Variants in EPB41L5 observed in about 807,000 individuals in gnomAD.
The protein encoded by EPB41L5 is band 4.1-like protein 5.
Under a neutral mutation model 106.6 loss-of-function variants are expected in EPB41L5, and 55 were observed. The ratio of observed to expected loss-of-function variants is 0.52; its 90% CI spans 0.42 to 0.65. The LOEUF (loss-of-function observed/expected upper bound fraction) is 0.65, where lower values mean the gene tolerates loss of function less well. EPB41L5 is among the 30% of genes least tolerant of loss of function. The pLI, the probability that EPB41L5 is intolerant of heterozygous loss-of-function variation, is 0.00. For missense variants in EPB41L5, 871 were observed against 882.1 expected (o/e 0.99, Z 0.16); for synonymous variants, 297 against 306.7 (o/e 0.97, Z 0.33).
At chr2:120,169,349 G>T (rs2105566260) in intron 24 of EPB41L5, among the ~76,000 whole-genome samples, 1 of 152,284 alleles carries the variant, frequency 6.6e-6, no homozygotes, top group South Asian at 2.1e-4. Flanking sequence ...ATTCTGGATG[G>T]ATTGCAGATC....
At chr2:120,065,515 CT>C (rs11373500) in intron 3 of EPB41L5, among the ~76,000 whole-genome samples, 24 of 139,902 alleles carry the variant, frequency 1.7e-4, no homozygotes, top group Non-Finnish European at 1.4e-4. Flanking sequence ...TTAGATTGTT[CT>C]TTTTTTTTTT....
intron 2 of EPB41L5, among the ~76,000 whole-genome samples, chr2:120,031,186 G>A (rs1440401878): frequency 6.6e-6 from 1 of 152,192 alleles, no homozygotes; most frequent in Admixed American, 6.5e-5. Flanking sequence ...CCAATTATCA[G>A]TAAAAGCTCT....
chr2:120,135,685 G>C (rs1210004432), intron 18 of EPB41L5, among the ~76,000 whole-genome samples: 2 of 152,044 alleles, frequency 1.3e-5, no homozygotes, highest in Non-Finnish European at 2.9e-5. Flanking sequence ...GGCCAGGAGA[G>C]AGTGGCATGA....
chr2:120,020,231 G>A (rs1677829664), intron 2 of EPB41L5, among the ~76,000 whole-genome samples: 1 of 152,128 alleles, frequency 6.6e-6, no homozygotes, highest in South Asian at 2.1e-4. Context: ...AATTTAAAAA[G>A]TCTCTTTGGG....
At chr2:120,125,050 C>T (rs1685396991) in intron 16 of EPB41L5, among the ~76,000 whole-genome samples, 1 of 152,102 alleles carries the variant, frequency 6.6e-6, no homozygotes, top group Non-Finnish European at 1.5e-5. Context: ...TAATTTTTGC[C>T]TGTATCCATT....
intron 1 of EPB41L5, 30 bp from the exon 2 acceptor site, chr2:120,019,047 G>T: frequency 1.3e-6 from 2 of 1,554,682 alleles, no homozygotes; most frequent in Non-Finnish European, 1.7e-6. Context: ...TTTTTTTCCT[G>T]ATGCCATCTT....
At chr2:120,083,033 T>G (rs144714685) in intron 10 of EPB41L5, among the ~76,000 whole-genome samples, 26 of 152,266 alleles carry the variant, frequency 1.7e-4, no homozygotes, top group Admixed American at 3.3e-4. Context: ...CTATCAATTT[T>G]GTTGATCTTT....
At chr2:120,047,154 G>T (rs544447412) in intron 3 of EPB41L5, among the ~76,000 whole-genome samples, 1 of 151,932 alleles carries the variant, frequency 6.6e-6, no homozygotes, top group Non-Finnish European at 1.5e-5. Flanking sequence ...GCTCTTTTTT[G>T]GTTCCGTATG....
intron 9 of EPB41L5, 47 bp downstream of exon 9, chr2:120,077,363 G>T (rs1480704992): frequency 6.5e-7 from 1 of 1,536,122 alleles, no homozygotes; most frequent in East Asian, 2.3e-5. Flanking sequence ...TTCTTTGGAG[G>T]TTCGCAGTGA....
At chr2:120,020,906 A>G (rs1471791997) in intron 2 of EPB41L5, among the ~76,000 whole-genome samples, 1 of 152,152 alleles carries the variant, frequency 6.6e-6, no homozygotes, top group Non-Finnish European at 1.5e-5. Flanking sequence ...ATGGCTAGTT[A>G]CTGATCTGGA....
intron 20 of EPB41L5, among the ~76,000 whole-genome samples, chr2:120,154,085 T>C (rs977719453): frequency 6.6e-6 from 1 of 151,564 alleles, no homozygotes; most frequent in Non-Finnish European, 1.5e-5. Flanking sequence ...TACTGTCTTC[T>C]TTGTTTAACG....
intron 20 of EPB41L5, among the ~76,000 whole-genome samples, chr2:120,152,170 G>A (rs1233797745): frequency 6.6e-6 from 1 of 152,100 alleles, no homozygotes; most frequent in African/African-American, 2.4e-5. Flanking sequence ...TTTCATATAT[G>A]CCCTTTACCA....
At chr2:120,130,886 T>C (rs1685658693) in intron 17 of EPB41L5, among the ~76,000 whole-genome samples, 1 of 152,216 alleles carries the variant, frequency 6.6e-6, no homozygotes, top group African/African-American at 2.4e-5. Flanking sequence ...TCTGATCATA[T>C]AGAAATTATT....
intron 20 of EPB41L5, among the ~76,000 whole-genome samples, chr2:120,149,106 T>C (rs537327328): frequency 6.6e-6 from 1 of 152,340 alleles, no homozygotes; most frequent in Admixed American, 6.5e-5. Context: ...TGCATTTACC[T>C]AAGGACTAAT....
At chr2:120,099,929 G>A (rs76509706) in intron 14 of EPB41L5, among the ~76,000 whole-genome samples, 1,829 of 152,268 alleles carry the variant, frequency 0.012, 39 homozygotes, top group African/African-American at 0.041. Flanking sequence ...TGCTGTCTTT[G>A]TTAGGCCATC....
At chr2:120,098,398 G>T (rs1683911509) in intron 14 of EPB41L5, among the ~76,000 whole-genome samples, 1 of 151,906 alleles carries the variant, frequency 6.6e-6, no homozygotes, top group African/African-American at 2.4e-5. Context: ...TTTTTGTAGA[G>T]TTGGAGGTCT....
chr2:120,121,925 G>T (rs551030143), intron 16 of EPB41L5, among the ~76,000 whole-genome samples: 40 of 152,272 alleles, frequency 2.6e-4, no homozygotes, highest in African/African-American at 7.9e-4. Context: ...TTCTCTGATG[G>T]CCAGTGATGA....
At chr2:120,165,905 G>T (rs10460476) in intron 22 of EPB41L5, among the ~76,000 whole-genome samples, 95,372 of 148,308 alleles carry the variant, frequency 0.64, 31,729 homozygotes, top group Middle Eastern at 0.76. Context: ...GAGATGGAGC[G>T]TGCAGTGAGC....
intron 18 of EPB41L5, among the ~76,000 whole-genome samples, chr2:120,142,119 A>ATT (rs771389616): frequency 4.3e-4 from 61 of 142,402 alleles, no homozygotes; most frequent in African/African-American, 1.4e-3. Context: ...TTTTTAAAAA[A>ATT]AAAAAAAAAA....
Sources: allele counts gnomAD v4.1 joint callset (sites outside exome capture counted in the v4.1 genomes callset), GRCh38; gene constraint gnomAD v4.1.1; transcripts MANE v1.5; gene names NCBI Gene and HGNC (gene_info 2026-07-23, HGNC 2026-07-21).